The following MAP2 variants were observed in gnomAD, a reference collection of about 807,000 sequenced individuals.
The protein encoded by MAP2 is microtubule-associated protein 2.
In MAP2, 14 loss-of-function variants were observed where a neutral mutation model predicts 137.6. That is an observed-to-expected ratio of 0.10 (90% CI 0.07 to 0.16). MAP2 has a LOEUF of 0.16. Among genes scored for constraint, MAP2 ranks in the 10% least tolerant of loss-of-function variants. The pLI is 1.00. For missense variants in MAP2, 2,088 were observed against 2,191.5 expected, an observed-to-expected ratio of 0.95 and a Z score of 0.94; for synonymous variants, 786 against 782.3, an observed-to-expected ratio of 1.00 and a Z score of -0.08.
chr2:209,636,443 C>T (rs2153564248), intron 4 of MAP2, among the ~76,000 whole-genome samples: 1 of 152,072 alleles, frequency 6.6e-6, no homozygotes, highest in African/African-American at 2.4e-5. Context: ...TCCTTTTTGG[C>T]ATGTGTTTAC....
At chr2:209,672,175 A>G (rs530932376) in intron 5 of MAP2, among the ~76,000 whole-genome samples, 2 of 152,002 alleles carry the variant, frequency 1.3e-5, no homozygotes, top group Admixed American at 1.3e-4. Flanking sequence ...GCTGAGTAGT[A>G]TGATATGACA....
In MAP2 at chr2:209,500,288, C is replaced by CTA. The variant is rs534375769; in HGVS notation, c.-221-7299_-221-7298dup. On this transcript the variant is annotated intron_variant, in intron 1 of 15. Coordinates refer to ENST00000682079, the MANE Select transcript of MAP2 (RefSeq NM_001375505.1). ...GATTGTCATTCAAGGTCATTACTTC[C>CTA]TATATAGAGCCAACTTAGCTTTTCA... is the stretch of plus-strand genomic sequence containing the variant. 1.1e-3 allele frequency among the ~76,000 whole-genome samples: 175 copies of CTA among 152,268 alleles called. 1 individual carries two copies. The highest frequency in any genetic ancestry group is 1.9e-3 in the Non-Finnish European group (130 of 68,014).
intron 3 of MAP2, among the ~76,000 whole-genome samples, chr2:209,621,591 C>A (rs1339436057): frequency 6.6e-6 from 1 of 152,058 alleles, no homozygotes; most frequent in African/African-American, 2.4e-5. Context: ...GTCTATCAAA[C>A]ATGAGATTTA....
In MAP2 at chr2:209,547,185, C is replaced by T. The variant is rs1200057372; in HGVS notation, c.-171-32851C>T. On this transcript the variant is annotated intron_variant, in intron 2 of 15. Transcript: ENST00000682079. ...CAGGGGATGTGTGAAGAGATATGCT[C>T]CTGGAAGCATGCCCCTTGAGGAGAG... Among the ~76,000 whole-genome samples the T allele has an allele frequency of 2.0e-5, 3 of 152,158 alleles. No individual in the cohort carries two copies. In the East Asian group the frequency reaches 5.8e-4, roughly 29 times the overall value.
intron 1 of MAP2, among the ~76,000 whole-genome samples, chr2:209,435,742 T>G (rs28556312): frequency 0.57 from 85,600 of 150,336 alleles, 26,318 homozygotes; most frequent in African/African-American, 0.81. Context: ...GAAACTAAGG[T>G]ACTTCTTTGG....
At chr2:209,635,044 C>T (rs1239517368) in intron 4 of MAP2, among the ~76,000 whole-genome samples, 1 of 152,086 alleles carries the variant, frequency 6.6e-6, no homozygotes, top group South Asian at 2.1e-4. Context: ...CTTGAGAGAG[C>T]TATGATCATG....
intron 10 of MAP2, among the ~76,000 whole-genome samples, chr2:209,699,025 A>G (rs1363789609): frequency 6.6e-6 from 1 of 152,212 alleles, no homozygotes; most frequent in Non-Finnish European, 1.5e-5. Flanking sequence ...GAAATTTAAA[A>G]TCTTTGAACT....
chr2:209,565,601 ATGTCAG>A (rs765795821), intron 2 of MAP2, among the ~76,000 whole-genome samples: 3 of 152,170 alleles, frequency 2.0e-5, no homozygotes, highest in Non-Finnish European at 4.4e-5. Flanking sequence ...CTTCTTTAAA[ATGTCAG>A]TCATAGGTAT....
At position 209,556,228 on chromosome 2, in the gene MAP2, G is replaced by A. The variant is rs187685473; in HGVS notation, c.-171-23808G>A. ...GCTAATTTTTTAAATATTTCTTGTA[G>A]AGACAGGGTCTTGCCACGTTGTCCA... is the stretch of plus-strand genomic sequence containing the variant. On this transcript the variant is annotated intron_variant, in intron 2 of 15. Transcript: ENST00000682079. 2.6e-5 allele frequency among the ~76,000 whole-genome samples: 4 copies of A among 151,810 alleles called. No individual in the cohort carries two copies. The East Asian group carries it at 7.8e-4, about 30-fold the overall frequency.
chr2:209,559,240 C>A (rs2071407837), intron 2 of MAP2, among the ~76,000 whole-genome samples: 2 of 151,956 alleles, frequency 1.3e-5, no homozygotes, highest in Non-Finnish European at 2.9e-5. Context: ...TCCCTCCCTC[C>A]CTCTGTTAGA....
intron 14 of MAP2, among the ~76,000 whole-genome samples, chr2:209,726,623 A>G (rs528189073): frequency 6.6e-6 from 1 of 152,292 alleles, no homozygotes; most frequent in African/African-American, 2.4e-5. Context: ...AAATAAGCCG[A>G]TATGGTGGTA....
At chr2:209,469,145 C>T (rs187076735) in intron 1 of MAP2, among the ~76,000 whole-genome samples, 97 of 152,284 alleles carry the variant, frequency 6.4e-4, no homozygotes, top group Middle Eastern at 3.4e-3. Context: ...TTATTTGGGC[C>T]TTATTTGAAT....
At chr2:209,633,811 C>G (rs1410225042) in intron 4 of MAP2, among the ~76,000 whole-genome samples, 5 of 152,004 alleles carry the variant, frequency 3.3e-5, no homozygotes, top group Non-Finnish European at 4.4e-5. Flanking sequence ...AAAATAAGGG[C>G]CACCCATTCC....
chr2:209,639,321 TGATA>T (rs1402643947), intron 4 of MAP2, among the ~76,000 whole-genome samples: 18 of 152,288 alleles, frequency 1.2e-4, no homozygotes, highest in African/African-American at 3.8e-4. Flanking sequence ...TGTAAATAGA[TGATA>T]GATAAATACT....
At chr2:209,562,811 A>T (rs1211336741) in intron 2 of MAP2, among the ~76,000 whole-genome samples, 1 of 152,006 alleles carries the variant, frequency 6.6e-6, no homozygotes, top group Non-Finnish European at 1.5e-5. Context: ...CAAAACAGAA[A>T]TTTTTCTCTT....
chr2:209,599,410 C>G (rs999514911), intron 3 of MAP2, among the ~76,000 whole-genome samples: 1 of 152,094 alleles, frequency 6.6e-6, no homozygotes, highest in African/African-American at 2.4e-5. Context: ...ACATCCCAAC[C>G]AAGGTTCCAC....
intron 5 of MAP2, among the ~76,000 whole-genome samples, chr2:209,660,216 G>A (rs535425698): frequency 7.9e-5 from 12 of 152,008 alleles, no homozygotes; most frequent in African/African-American, 2.9e-4. Context: ...CCTACCCACT[G>A]CCAAAGAGGC....
intron 13 of MAP2, chr2:209,710,715 A>G (rs1036165980): frequency 6.3e-6 from 1 of 159,044 alleles, no homozygotes; most frequent in Admixed American, 6.1e-5. Flanking sequence ...CAAAATAAGG[A>G]TGTTTCACCG....
At chr2:209,474,682 C>T (rs576030066) in intron 1 of MAP2, among the ~76,000 whole-genome samples, 2 of 152,058 alleles carry the variant, frequency 1.3e-5, no homozygotes, top group African/African-American at 2.4e-5. Context: ...AACTTTATTA[C>T]ACCACAAATA....
Sources: allele counts gnomAD v4.1 joint callset (sites outside exome capture counted in the v4.1 genomes callset), GRCh38; gene constraint gnomAD v4.1.1; transcripts MANE v1.5; gene names NCBI Gene and HGNC (gene_info 2026-07-23, HGNC 2026-07-21).